Variants in PIEZO2 observed in about 807,000 individuals in gnomAD.
PIEZO2 encodes the protein piezo type mechanosensitive ion channel component 2.
PIEZO2 carries 172 observed loss-of-function variants against 337.3 expected under a neutral mutation model. That is an observed-to-expected ratio of 0.51 (90% confidence interval 0.45 to 0.58). PIEZO2 has a LOEUF of 0.58. Ranked by LOEUF, PIEZO2 falls within the 20% of genes least tolerant of loss-of-function variation. The pLI, the probability that PIEZO2 is intolerant of heterozygous loss-of-function variation, is 0.00. For synonymous variants in PIEZO2, 1,251 were observed against 1,228.5 expected (o/e 1.02, Z -0.38); for missense variants, 3,028 against 3,391.3 (o/e 0.89, Z 2.66).
At chr18:11,019,674 G>C (rs1453841582) in intron 2 of PIEZO2, among the ~76,000 whole-genome samples, 1 of 152,120 alleles carries the variant, frequency 6.6e-6, no homozygotes, top group Non-Finnish European at 1.5e-5. Context: ...GTCATCCTCA[G>C]GCTGGACAGA....
intron 2 of PIEZO2, among the ~76,000 whole-genome samples, chr18:11,060,943 G>C (rs1322877520): frequency 6.6e-6 from 1 of 152,166 alleles, no homozygotes; most frequent in East Asian, 1.9e-4. Flanking sequence ...GCCTGGCAGA[G>C]ACACAACAAA....
intron 17 of PIEZO2, among the ~76,000 whole-genome samples, chr18:10,782,922 A>C (rs1159713024): frequency 6.6e-6 from 1 of 152,174 alleles, no homozygotes; most frequent in Non-Finnish European, 1.5e-5. Context: ...GGGAGTCTCT[A>C]GGCTGGTGAA....
chr18:10,847,476 A>G lies in PIEZO2; in HGVS notation c.917+7877T>C, dbSNP rs115263081. 0.018 allele frequency among the ~76,000 whole-genome samples: 2,734 copies of G among 152,306 alleles called. 89 individuals are homozygous for G. Among genetic ancestry groups the G allele is most frequent in the African/African-American group, 0.063 (2,614 of 41,560 alleles). ...AGTCTTAGGTCACTGGGCTGGATAA[A>G]CACGCAGTGCAAAGGCCCGTGGGCT... On this transcript the variant is annotated intron_variant, in intron 7 of 55. Coordinates refer to ENST00000674853, the MANE Select transcript of PIEZO2 (RefSeq NM_001378183.1). This position sits in a 1 kb window ranked among gnomAD's most constrained non-coding sequence, Gnocchi z 5.7.
chr18:10,976,004 G>A (rs909290362), intron 3 of PIEZO2, among the ~76,000 whole-genome samples: 9 of 152,050 alleles, frequency 5.9e-5, no homozygotes, highest in East Asian at 1.9e-4. Flanking sequence ...TTGGGATATC[G>A]AAATGACTGA....
rs2041718274 is a variant in PIEZO2, at chr18:10,856,842, T to C, written c.703+159A>G. On this transcript the variant is annotated intron_variant, in intron 6 of 55. Coordinates refer to ENST00000674853, the MANE Select transcript of PIEZO2 (RefSeq NM_001378183.1). The surrounding 1 kb of genome is among the most constrained non-coding windows in gnomAD (Gnocchi z 4.7). Reference sequence around the variant, plus strand: ...GAACTAACCCGGAAAAATTATTTTGTGTGGTTTGTACATGTGGCCAGTTTT... The same window carrying C: ...GAACTAACCCGGAAAAATTATTTTGCGTGGTTTGTACATGTGGCCAGTTTT... Among the ~76,000 whole-genome samples the C allele has an allele frequency of 6.6e-6, 1 of 151,964 alleles. No individual in the cohort carries two copies. Among genetic ancestry groups the C allele is most frequent in the Admixed American group, 6.5e-5 (1 of 15,280 alleles).
intron 2 of PIEZO2, among the ~76,000 whole-genome samples, chr18:11,039,968 G>C (rs755923940): frequency 6.6e-6 from 1 of 151,950 alleles, no homozygotes. Flanking sequence ...TTTTAAATGA[G>C]AGCTATACAA....
intron 2 of PIEZO2, among the ~76,000 whole-genome samples, chr18:11,022,611 T>C (rs937231632): frequency 4.6e-5 from 7 of 152,226 alleles, no homozygotes; most frequent in East Asian, 3.9e-4. Flanking sequence ...TAGGGCTCTA[T>C]GCTTATGGCT....
At chr18:10,999,120 A>G (rs986313355) in intron 2 of PIEZO2, among the ~76,000 whole-genome samples, 5 of 151,686 alleles carry the variant, frequency 3.3e-5, no homozygotes, top group African/African-American at 4.8e-5. Context: ...GAAACAATCC[A>G]CGCCAAAAAA....
intron 7 of PIEZO2, among the ~76,000 whole-genome samples, chr18:10,840,429 A>G (rs74840347): frequency 0.012 from 1,795 of 152,292 alleles, 38 homozygotes; most frequent in African/African-American, 0.041. Context: ...ATGAGAATGA[A>G]CGTTAGAGCT....
At chr18:10,867,668 G>A (rs2042040814) in intron 5 of PIEZO2, among the ~76,000 whole-genome samples, 1 of 152,056 alleles carries the variant, frequency 6.6e-6, no homozygotes, top group African/African-American at 2.4e-5. Context: ...TAAAAGAAAG[G>A]CCTCAAATCT....
At chr18:10,779,069 TG>T (rs2038891241) in intron 18 of PIEZO2, among the ~76,000 whole-genome samples, 1 of 152,200 alleles carries the variant, frequency 6.6e-6, no homozygotes, top group Non-Finnish European at 1.5e-5. Context: ...AAAAACCTGT[TG>T]TTGATGTTTC....
intron 1 of PIEZO2, among the ~76,000 whole-genome samples, chr18:11,103,951 G>A (rs745394473): frequency 4.6e-5 from 7 of 152,124 alleles, no homozygotes; most frequent in Middle Eastern, 3.4e-3. Flanking sequence ...TCAGCCTCCC[G>A]AGTAGCTGGA....
At chr18:10,790,533 A>G (rs2039372229) in intron 14 of PIEZO2, among the ~76,000 whole-genome samples, 1 of 152,172 alleles carries the variant, frequency 6.6e-6, no homozygotes, top group Non-Finnish European at 1.5e-5. Flanking sequence ...CTGTTTTTAC[A>G]TTGTGGTATA....
chr18:10,922,605 T>C (rs1170678737), intron 3 of PIEZO2, among the ~76,000 whole-genome samples: 1 of 151,962 alleles, frequency 6.6e-6, no homozygotes, highest in Non-Finnish European at 1.5e-5. Flanking sequence ...TAGAGGAGCA[T>C]GGCATGAACA....
chr18:10,719,787 T>C (rs183581064), intron 36 of PIEZO2, among the ~76,000 whole-genome samples: 1 of 152,218 alleles, frequency 6.6e-6, no homozygotes, highest in African/African-American at 2.4e-5. Context: ...TTTTTTGAGG[T>C]TTTAATTTTA....
In PIEZO2 at chr18:10,736,676, C is replaced by A; in HGVS notation, c.4743G>T (p.Thr1581=). ...VRSGDYYLFE[T]DSEEEEEEEL... is the part of the protein sequence containing the mutation. ...CTTCCTCTTCCTCCTCTTCACTATC[C>A]GTTTCAAACAAATAATAATCTCCAC... The change falls in exon 34 of 56, where the codon ACG becomes ACT. Residue 1581 remains threonine (T), a synonymous_variant. Coordinates refer to ENST00000674853, the MANE Select transcript of PIEZO2 (RefSeq NM_001378183.1). 6.5e-7 allele frequency: 1 copy of A among 1,536,942 alleles called. No individual in the cohort carries two copies. Among genetic ancestry groups the A allele is most frequent in the South Asian group, 1.2e-5 (1 of 84,054 alleles).
intron 1 of PIEZO2, among the ~76,000 whole-genome samples, chr18:11,144,811 C>A (rs1043126315): frequency 7.2e-5 from 11 of 152,272 alleles, no homozygotes; most frequent in South Asian, 2.1e-4. Flanking sequence ...TCCCCTGTTC[C>A]CCCAAGCAAG....
At chr18:10,976,075 TAGTGA>T (rs1342316118) in intron 3 of PIEZO2, among the ~76,000 whole-genome samples, 2 of 152,194 alleles carry the variant, frequency 1.3e-5, no homozygotes, top group African/African-American at 2.4e-5. Flanking sequence ...ACAATAACAT[TAGTGA>T]AGTGAAGTCA....
At chr18:11,140,416 C>T (rs1216162564) in intron 1 of PIEZO2, among the ~76,000 whole-genome samples, 8 of 152,350 alleles carry the variant, frequency 5.3e-5, no homozygotes, top group Non-Finnish European at 1.0e-4. Context: ...AGGTACAACA[C>T]TGACCAGATC....
Sources: gnomAD v4.1 joint callset for allele counts (sites outside exome capture counted in the v4.1 genomes callset) on GRCh38, gnomAD v4.1.1 for gene constraint, Gnocchi (gnomAD v3.1) non-coding constraint, MANE v1.5 for transcripts, NCBI Gene and HGNC (gene_info 2026-07-23, HGNC 2026-07-21) for gene names.